Variants in MYBL1 observed in about 807,000 individuals in gnomAD.
MYBL1 encodes myb-related protein A.
MYBL1 carries 17 observed loss-of-function variants against 96.3 expected under a neutral mutation model. That is an observed-to-expected ratio of 0.18 (90% CI 0.12 to 0.26). MYBL1 has a LOEUF of 0.26. MYBL1 is among the 10% of genes least tolerant of loss of function. MYBL1 has a pLI of 1.00. For missense variants in MYBL1, 701 were observed against 882.9 expected, an observed-to-expected ratio of 0.79 and a Z score of 2.61; for synonymous variants, 282 against 292.7, an observed-to-expected ratio of 0.96 and a Z score of 0.37.
intron 8 of MYBL1, among the ~76,000 whole-genome samples, chr8:66,584,683 A>AC (rs1040092175): frequency 5.9e-5 from 9 of 152,152 alleles, no homozygotes; most frequent in African/African-American, 2.2e-4. Context: ...AGATAGCGAG[A>AC]CCCCCATCTC....
At chr8:66,565,539 A>G (rs1007893225) in intron 15 of MYBL1, 1 of 152,206 alleles carries the variant, frequency 6.6e-6, no homozygotes, top group Non-Finnish European at 1.5e-5. Context: ...TTCCTACTCA[A>G]TGAACTCTCA....
intron 9 of MYBL1, among the ~76,000 whole-genome samples, chr8:66,578,793 A>C (rs1485585919): frequency 1.3e-5 from 2 of 152,166 alleles, no homozygotes; most frequent in African/African-American, 4.8e-5. Flanking sequence ...ATGTTTATTG[A>C]GGCACTATTC....
intron 8 of MYBL1, among the ~76,000 whole-genome samples, chr8:66,582,391 C>T (rs190457863): frequency 6.6e-6 from 1 of 151,756 alleles, no homozygotes; most frequent in East Asian, 1.9e-4. Flanking sequence ...AATAGCTATA[C>T]TCATATCAGA....
intron 8 of MYBL1, among the ~76,000 whole-genome samples, chr8:66,580,853 C>T (rs971701246): frequency 6.6e-6 from 1 of 151,098 alleles, no homozygotes; most frequent in African/African-American, 2.4e-5. Flanking sequence ...ACCAGGGAAG[C>T]TCTTCTTTTT....
intron 8 of MYBL1, among the ~76,000 whole-genome samples, chr8:66,583,987 A>G (rs1286409787): frequency 6.6e-6 from 1 of 152,150 alleles, no homozygotes; most frequent in Non-Finnish European, 1.5e-5. Flanking sequence ...TGATACCAAA[A>G]CCAAATAAAG....
intron 1 of MYBL1, among the ~76,000 whole-genome samples, chr8:66,610,873 T>C (rs1287165577): frequency 6.6e-6 from 1 of 152,146 alleles, no homozygotes; most frequent in Non-Finnish European, 1.5e-5. Flanking sequence ...AGGGAGAGTA[T>C]AGCTTCACCC....
In MYBL1 at chr8:66,595,398, T is replaced by C. The variant is rs558619664; in HGVS notation, c.687+185A>G. On this transcript the variant is annotated intron_variant, in intron 6 of 15. Coordinates refer to ENST00000522677, the MANE Select transcript of MYBL1 (RefSeq NM_001080416.4). ...ATAGTTTCTTGATGTAAAAATTACA[T>C]ATAAAAGGAAACATTTTAATAAATT... is the stretch of plus-strand genomic sequence containing the variant. Among the ~76,000 whole-genome samples the C allele has an allele frequency of 3.9e-5, 6 of 152,250 alleles. No individual in the cohort carries two copies. The East Asian group carries it at 9.6e-4, about 24-fold the overall frequency.
At chr8:66,566,610 A>T in intron 14 of MYBL1, 74 bp downstream of exon 14, 1 of 970,850 alleles carries the variant, frequency 1.0e-6, no homozygotes, top group Non-Finnish European at 1.5e-6. Flanking sequence ...TGGCTACACA[A>T]TGAGTAAGAA....
At chr8:66,605,652 C>T (rs1241639984) in intron 1 of MYBL1, among the ~76,000 whole-genome samples, 5 of 151,964 alleles carry the variant, frequency 3.3e-5, no homozygotes, top group Non-Finnish European at 5.9e-5. Context: ...GAAACCCCTA[C>T]TAAAAATACA....
intron 1 of MYBL1, among the ~76,000 whole-genome samples, chr8:66,609,156 T>A (rs1159066870): frequency 6.6e-6 from 1 of 152,096 alleles, no homozygotes; most frequent in East Asian, 1.9e-4. Flanking sequence ...ATGATAGTCA[T>A]GACTTTGTCC....
At chr8:66,610,003 T>A (rs1810467766) in intron 1 of MYBL1, among the ~76,000 whole-genome samples, 1 of 152,036 alleles carries the variant, frequency 6.6e-6, no homozygotes, top group African/African-American at 2.4e-5. Context: ...AAACATCTTC[T>A]ATTTCAAGAG....
intron 6 of MYBL1, among the ~76,000 whole-genome samples, chr8:66,595,095 A>G (rs1375564759): frequency 6.6e-6 from 1 of 152,202 alleles, no homozygotes; most frequent in African/African-American, 2.4e-5. Flanking sequence ...TCATCTAAAC[A>G]AAGACTAAAA....
intron 8 of MYBL1, among the ~76,000 whole-genome samples, chr8:66,586,422 T>C (rs1181068957): frequency 6.6e-6 from 1 of 152,120 alleles, no homozygotes; most frequent in Non-Finnish European, 1.5e-5. Context: ...ACAATGGGTA[T>C]ATTAAAAAAT....
chr8:66,585,140 G>A (rs562293505), intron 8 of MYBL1, among the ~76,000 whole-genome samples: 6 of 152,010 alleles, frequency 3.9e-5, no homozygotes, highest in South Asian at 2.1e-4. Flanking sequence ...ACACTAACAC[G>A]CTTCCAAATA....
At chr8:66,612,390 G>C (rs1268903575) in intron 1 of MYBL1, 1 of 186,116 alleles carries the variant, frequency 5.4e-6, no homozygotes, top group African/African-American at 2.3e-5. Flanking sequence ...GTTCACCGCG[G>C]AGTTCCTATT....
At chr8:66,582,770 T>C (rs1490869416) in intron 8 of MYBL1, among the ~76,000 whole-genome samples, 2 of 147,896 alleles carry the variant, frequency 1.4e-5, no homozygotes, top group African/African-American at 4.9e-5. Context: ...CAATATATAA[T>C]GATAAAGGGA....
intron 8 of MYBL1, among the ~76,000 whole-genome samples, chr8:66,582,198 C>A (rs980156069): frequency 1.3e-5 from 2 of 151,468 alleles, no homozygotes; most frequent in African/African-American, 4.9e-5. Context: ...CAGTAATAAC[C>A]CTGAATGTAA....
chr8:66,571,476 G>A (rs970538275), intron 12 of MYBL1, among the ~76,000 whole-genome samples: 1 of 152,096 alleles, frequency 6.6e-6, no homozygotes, highest in Non-Finnish European at 1.5e-5. Flanking sequence ...ACCCTGATTA[G>A]TTTCCTAAAT....
At position 66,597,570 on chromosome 8, in the gene MYBL1, AGTTT is replaced by A. The variant is rs1468050349; in HGVS notation, c.292-24_292-21del. 3 of 1,460,060 alleles carry A rather than the reference AGTTT, an allele frequency of 2.1e-6. No homozygotes were observed. Among genetic ancestry groups the A allele is most frequent in the Admixed American group, 2.0e-5 (1 of 50,548 alleles). 90.4% of individuals were successfully genotyped at this position (1,460,060 alleles called of 1,614,324 possible). A position where few individuals can be genotyped will look rare whatever the true frequency, so the allele number is the denominator to read the frequency against. ...AATAACCTAGGAAACAGAAAAACAA[AGTTT>A]AAAAAAGCATTACCTTCAAAGAATT... On this transcript the variant is annotated intron_variant, in intron 4 of 15. Transcript: ENST00000522677.
Sources: gnomAD v4.1 joint callset for allele counts (sites outside exome capture counted in the v4.1 genomes callset) on GRCh38, gnomAD v4.1.1 for gene constraint, MANE v1.5 for transcripts, NCBI Gene and HGNC (gene_info 2026-07-23, HGNC 2026-07-21) for gene names.